RAP1GAP2: variants seen among roughly 807,000 people sequenced by gnomAD.
RAP1GAP2 encodes the protein rap1 GTPase-activating protein 2.
RAP1GAP2 carries 27 observed loss-of-function variants against 95.0 expected under a neutral mutation model. The observed-to-expected ratio is 0.28, with a 90% confidence interval of 0.21 to 0.39. The LOEUF (loss-of-function observed/expected upper bound fraction) is 0.39, where lower values mean the gene tolerates loss of function less well. Among genes scored for constraint, RAP1GAP2 ranks in the 10% least tolerant of loss-of-function variants. The pLI is 1.00. For missense variants in RAP1GAP2, 771 were observed against 970.0 expected (o/e 0.79, Z 2.72); for synonymous variants, 373 against 380.9 (o/e 0.98, Z 0.24).
At position 3,027,446 on chromosome 17, in the gene RAP1GAP2, G is replaced by T. The variant is rs1316378376; in HGVS notation, c.2107+376G>T. The stretch of plus-strand genomic sequence containing the variant: ...AGGGCTGCCAGGGCCCGTCTGTCAT[G>T]TCGGGGGTCTTGATAATACAAGACG... On this transcript the variant is annotated intron_variant, in intron 22 of 24. Transcript: ENST00000254695. This position sits in a 1 kb window ranked among gnomAD's most constrained non-coding sequence, Gnocchi z 5.2. Among the ~76,000 whole-genome samples, 1 of 152,106 alleles carries T rather than the reference G, an allele frequency of 6.6e-6. No homozygotes were observed. Among genetic ancestry groups the T allele is most frequent in the African/African-American group, 2.4e-5 (1 of 41,422 alleles).
intron 3 of RAP1GAP2, among the ~76,000 whole-genome samples, chr17:2,921,644 C>A (rs910753767): frequency 6.7e-6 from 1 of 149,912 alleles, no homozygotes; most frequent in Non-Finnish European, 1.5e-5. Flanking sequence ...TCAGCAGGGC[C>A]GTTATGTGTC....
intron 2 of RAP1GAP2, among the ~76,000 whole-genome samples, chr17:2,878,493 C>T (rs2317458): frequency 7.9e-5 from 12 of 152,122 alleles, no homozygotes; most frequent in Admixed American, 3.3e-4. Context: ...ATCGCTGACT[C>T]GAAAGGTGCA....
chr17:2,992,824 C>T (rs1328396482), intron 12 of RAP1GAP2, among the ~76,000 whole-genome samples: 1 of 152,104 alleles, frequency 6.6e-6, no homozygotes, highest in Non-Finnish European at 1.5e-5. Context: ...GTCAGTCACA[C>T]CTGGGATAAA....
intron 2 of RAP1GAP2, among the ~76,000 whole-genome samples, chr17:2,901,284 C>A (rs368277244): frequency 6.6e-6 from 1 of 152,190 alleles, no homozygotes; most frequent in South Asian, 2.1e-4. Context: ...GGCTCTCTGA[C>A]CTGCCCTTCC....
rs750434688 is a variant in RAP1GAP2 at position 3,020,532 on chromosome 17, G to T, written c.1688G>T (p.Arg563Leu). ...KNQSRSPIKR[R>L]SGLFPRLHTG... ...CAGTCACGGAGTCCCATCAAGCGAC[G>T]CTCGGGGCTCTTCCCCCGCCTGCAC... is the stretch of plus-strand genomic sequence containing the variant. The change falls in exon 19 of 25, where the codon CGC becomes CTC. Residue 563 changes from arginine to leucine, a missense_variant. Arg to Leu is a moderately radical substitution (Grantham distance 102). Transcript: ENST00000254695. 1.9e-6 allele frequency: 3 copies of T among 1,613,872 alleles called. No homozygotes were observed. Among genetic ancestry groups the T allele is most frequent in the Non-Finnish European group, 2.5e-6 (3 of 1,179,866 alleles).
chr17:2,974,660 C>A (rs1597773433), intron 8 of RAP1GAP2, among the ~76,000 whole-genome samples: 2 of 150,326 alleles, frequency 1.3e-5, no homozygotes, highest in East Asian at 3.9e-4. Flanking sequence ...GTAGCAAGGA[C>A]AATGGGAAGG....
intron 2 of RAP1GAP2, among the ~76,000 whole-genome samples, chr17:2,813,310 C>A (rs2069854551): frequency 6.6e-6 from 1 of 152,026 alleles, no homozygotes; most frequent in East Asian, 2.0e-4. Flanking sequence ...CTCCTGACCT[C>A]GTGATCTGCC....
chr17:3,020,442 G>C (rs2046920319), intron 18 of RAP1GAP2, 35 bp from the exon 19 acceptor site: 1 of 1,560,878 alleles, frequency 6.4e-7, no homozygotes, highest in Non-Finnish European at 8.8e-7. Flanking sequence ...CGGTGTTTGG[G>C]CCGGGAGCAC....
intron 2 of RAP1GAP2, among the ~76,000 whole-genome samples, chr17:2,852,095 GGA>G (rs1439604063): frequency 6.6e-6 from 1 of 152,164 alleles, no homozygotes; most frequent in Admixed American, 6.6e-5. Context: ...TAGCGCGGTG[GGA>G]GAGAGGGGAA....
At chr17:2,824,120 C>CA (rs71150900) in intron 2 of RAP1GAP2, among the ~76,000 whole-genome samples, 4,522 of 105,328 alleles carry the variant, frequency 0.043, 123 homozygotes, top group East Asian at 0.08. Context: ...AAGACTGTCT[C>CA]AAAAAAAAAA....
In RAP1GAP2 at chr17:2,871,541, G is replaced by A. The variant is rs1219038615; in HGVS notation, c.81-33743G>A. Among the ~76,000 whole-genome samples the A allele has an allele frequency of 1.3e-5, 2 of 152,138 alleles. No homozygotes were observed. Among genetic ancestry groups the A allele is most frequent in the Non-Finnish European group, 2.9e-5 (2 of 68,034 alleles). ...GAGCTTCATTACAGAGGAGGGAGAG[G>A]CAACAGCGGTAGGGCCAGCAAACAC... On this transcript the variant is annotated intron_variant, in intron 2 of 24. Coordinates refer to ENST00000254695, the MANE Select transcript of RAP1GAP2 (RefSeq NM_015085.5). The surrounding 1 kb of genome is among the most constrained non-coding windows in gnomAD (Gnocchi z 5.0).
At chr17:2,869,395 T>C (rs1313562458) in intron 2 of RAP1GAP2, among the ~76,000 whole-genome samples, 1 of 151,770 alleles carries the variant, frequency 6.6e-6, no homozygotes, top group African/African-American at 2.4e-5. Context: ...TGTACAACGA[T>C]GTAAATGCCA....
intron 3 of RAP1GAP2, among the ~76,000 whole-genome samples, chr17:2,930,514 G>T (rs902952843): frequency 6.6e-6 from 1 of 152,174 alleles, no homozygotes; most frequent in African/African-American, 2.4e-5. Flanking sequence ...TTCCTACTTC[G>T]CAGGCTCATC....
At chr17:2,879,954 T>A (rs1298849910) in intron 2 of RAP1GAP2, among the ~76,000 whole-genome samples, 1 of 152,080 alleles carries the variant, frequency 6.6e-6, no homozygotes, top group Non-Finnish European at 1.5e-5. Context: ...TCCTTCAGGC[T>A]GGGTGGGTGC....
At chr17:2,862,257 C>A (rs991107658) in intron 2 of RAP1GAP2, among the ~76,000 whole-genome samples, 13 of 152,188 alleles carry the variant, frequency 8.5e-5, no homozygotes, top group Admixed American at 8.5e-4. Context: ...GAGGCAGCCT[C>A]CCTTCATTTA....
At position 2,800,275 on chromosome 17, in the gene RAP1GAP2, C is replaced by A. The variant is rs2069227964; in HGVS notation, c.45-240C>A. 3.1e-6 allele frequency: 3 copies of A among 953,618 alleles called. No homozygotes were observed. In the South Asian group the frequency reaches 1.5e-4, roughly 46 times the overall value. The allele number at this position is 953,618 out of a possible 1,614,324, so 59.1% of individuals were successfully genotyped here. On this transcript the variant is annotated intron_variant, in intron 1 of 24. Transcript: ENST00000254695. ...TTTTACCTTTCTGAGCCTGGGTTTCCTCATCTCTGAAATGGGGAGAATAAT... is the reference window on the plus strand; with the variant it reads ...TTTTACCTTTCTGAGCCTGGGTTTCATCATCTCTGAAATGGGGAGAATAAT...
At chr17:2,891,786 T>G (rs2073724367) in intron 2 of RAP1GAP2, among the ~76,000 whole-genome samples, 1 of 150,330 alleles carries the variant, frequency 6.7e-6, no homozygotes, top group Admixed American at 6.7e-5. Flanking sequence ...TTGAAAAGTC[T>G]GATGATATGC....
intron 2 of RAP1GAP2, among the ~76,000 whole-genome samples, chr17:2,830,416 C>T (rs1597390007): frequency 1.3e-5 from 2 of 151,364 alleles, no homozygotes; most frequent in Non-Finnish European, 2.9e-5. Context: ...AACTCCGTCT[C>T]AAAAAATTAA....
chr17:2,776,838 AG>A (rs2068512774), upstream of RAP1GAP2, among the ~76,000 whole-genome samples: 2 of 116,360 alleles, frequency 1.7e-5, no homozygotes, highest in African/African-American at 5.2e-5. Context: ...GAGGAGGAGG[AG>A]GAGGAGGAGG....
Sources: gnomAD v4.1 joint callset for allele counts (sites outside exome capture counted in the v4.1 genomes callset) on GRCh38, gnomAD v4.1.1 for gene constraint, Gnocchi (gnomAD v3.1) non-coding constraint, MANE v1.5 for transcripts, NCBI Gene and HGNC (gene_info 2026-07-23, HGNC 2026-07-21) for gene names.